Variants in FRMD4A observed in about 807,000 individuals in gnomAD.
The protein encoded by FRMD4A is FERM domain containing 4A.
FRMD4A carries 29 observed loss-of-function variants against 129.1 expected under a neutral mutation model. That is an observed-to-expected ratio of 0.22 (90% CI 0.17 to 0.31). The LOEUF is 0.31. Ranked by LOEUF, FRMD4A falls within the 10% of genes least tolerant of loss-of-function variation. FRMD4A has a pLI of 1.00. For synonymous variants in FRMD4A, 634 were observed against 571.6 expected, an observed-to-expected ratio of 1.11 and a Z score of -1.56; for missense variants, 1,272 against 1,375.8, an observed-to-expected ratio of 0.92 and a Z score of 1.19.
chr10:13,711,057 G>GT (rs2087964432), intron 12 of FRMD4A, among the ~76,000 whole-genome samples: 1 of 152,098 alleles, frequency 6.6e-6, no homozygotes, highest in Non-Finnish European at 1.5e-5. Flanking sequence ...CAGAAGAGAA[G>GT]GTGTGCATGT....
In FRMD4A at chr10:13,762,687, G is replaced by C; in HGVS notation, c.385-7C>G. ...TGTCAACGTCAATAAGCTCCTGAAA[G>C]GAAAAAGCAACAAACGAAGACAAGT... On this transcript the variant is annotated splice_region_variant and splice_polypyrimidine_tract_variant and intron_variant, in intron 6 of 24. Coordinates refer to ENST00000357447, the MANE Select transcript of FRMD4A (RefSeq NM_018027.5). 2 of 1,594,382 alleles carry C rather than the reference G, an allele frequency of 1.3e-6. No individual in the cohort carries two copies. The highest frequency in any genetic ancestry group is 8.6e-7 in the Non-Finnish European group (1 of 1,163,152).
chr10:14,039,382 C>CCAT (rs1833662917), intron 2 of FRMD4A, among the ~76,000 whole-genome samples: 4 of 113,634 alleles, frequency 3.5e-5, no homozygotes, highest in Non-Finnish European at 7.2e-5. Flanking sequence ...ATCCATCCAT[C>CCAT]CATCCATCCA....
intron 2 of FRMD4A, among the ~76,000 whole-genome samples, chr10:13,968,977 T>C (rs569798021): frequency 1.1e-4 from 16 of 152,294 alleles, no homozygotes; most frequent in Admixed American, 9.2e-4. Context: ...GAATGGAAAA[T>C]GGCCCATGTA....
At chr10:13,865,606 A>T (rs952864294) in intron 2 of FRMD4A, among the ~76,000 whole-genome samples, 1 of 151,120 alleles carries the variant, frequency 6.6e-6, no homozygotes, top group African/African-American at 2.4e-5. Flanking sequence ...ACACACCACC[A>T]TGCCCAGCTA....
chr10:13,778,613 GTGTGTGTGTT>G (rs774317016), intron 6 of FRMD4A, among the ~76,000 whole-genome samples: 37 of 144,162 alleles, frequency 2.6e-4, no homozygotes, highest in Middle Eastern at 3.8e-3. Context: ...GTGTGTGTGT[GTGTGTGTGTT>G]TGTGTGTGTG....
In FRMD4A at chr10:14,011,089, A is replaced by G. The variant is rs112414485; in HGVS notation, c.46-152177T>C. On this transcript the variant is annotated intron_variant, in intron 2 of 24. Transcript: ENST00000357447. ...CTAGAAATGTCAGAGCTAGGATGAA[A>G]ACCAAAGTCAACTGGTGTGATTTCA... 4.3e-4 allele frequency among the ~76,000 whole-genome samples: 66 copies of G among 152,302 alleles called. 4 individuals are homozygous for G. The highest frequency in any genetic ancestry group is 1.4e-3 in the African/African-American group (60 of 41,558).
intron 2 of FRMD4A, among the ~76,000 whole-genome samples, chr10:14,157,095 A>T (rs968844197): frequency 2.6e-5 from 4 of 152,212 alleles, no homozygotes; most frequent in African/African-American, 9.7e-5. Flanking sequence ...AAGCTGCAGC[A>T]AAAGTCTAGC....
At chr10:14,170,843 T>C (rs1164339726) in intron 2 of FRMD4A, among the ~76,000 whole-genome samples, 1 of 151,886 alleles carries the variant, frequency 6.6e-6, no homozygotes, top group Admixed American at 6.6e-5. Flanking sequence ...CCTCTCCTCT[T>C]TTCTTCCCCT....
In FRMD4A at chr10:13,707,127, AGT is replaced by A. The variant is rs747388792; in HGVS notation, c.760-16_760-15del. 2.7e-6 allele frequency: 4 copies of A among 1,466,076 alleles called. No individual in the cohort carries two copies. The South Asian group carries it at 4.5e-5, about 17-fold the overall frequency. 90.8% of individuals were successfully genotyped at this position (1,466,076 alleles called of 1,614,324 possible). On this transcript the variant is annotated splice_polypyrimidine_tract_variant and intron_variant, in intron 12 of 24. Coordinates refer to ENST00000357447, the MANE Select transcript of FRMD4A (RefSeq NM_018027.5). ...CCATTGGAATATCTGGACAGAAAAC[AGT>A]GTAGTTTAAAACTCAGGAGGGGCTG...
At chr10:13,774,280 G>A (rs2092541532) in intron 6 of FRMD4A, among the ~76,000 whole-genome samples, 1 of 152,218 alleles carries the variant, frequency 6.6e-6, no homozygotes, top group South Asian at 2.1e-4. Context: ...GAAAGTGAGA[G>A]GGGCGTCTGC....
chr10:14,058,599 G>A (rs9783266), intron 2 of FRMD4A, among the ~76,000 whole-genome samples: 5,887 of 152,216 alleles, frequency 0.039, 192 homozygotes, highest in African/African-American at 0.098. Flanking sequence ...CTGTTGACTG[G>A]GAACCTGATC....
chr10:14,327,206 G>C (rs1486371051), intron 2 of FRMD4A, among the ~76,000 whole-genome samples: 1 of 152,222 alleles, frequency 6.6e-6, no homozygotes. Flanking sequence ...CCTGATGGCA[G>C]AGTATGAATG....
intron 2 of FRMD4A, among the ~76,000 whole-genome samples, chr10:14,102,401 C>A (rs1837354732): frequency 6.6e-6 from 1 of 152,188 alleles, no homozygotes; most frequent in Non-Finnish European, 1.5e-5. Context: ...GTGGCGCAGG[C>A]CTATAGTCCC....
At chr10:13,893,454 T>C (rs1044854082) in intron 2 of FRMD4A, among the ~76,000 whole-genome samples, 1 of 152,176 alleles carries the variant, frequency 6.6e-6, no homozygotes, top group Non-Finnish European at 1.5e-5. Flanking sequence ...CGCAGACTAG[T>C]TCTAGTCCTG....
intron 2 of FRMD4A, among the ~76,000 whole-genome samples, chr10:13,887,890 G>A (rs2094643938): frequency 6.6e-6 from 1 of 152,196 alleles, no homozygotes; most frequent in South Asian, 2.1e-4. Context: ...TATAAGAGAA[G>A]GATGTGCTGA....
chr10:14,052,011 T>G (rs1275314698), intron 2 of FRMD4A, among the ~76,000 whole-genome samples: 1 of 152,194 alleles, frequency 6.6e-6, no homozygotes, highest in Non-Finnish European at 1.5e-5. Flanking sequence ...AAGCCCTTAA[T>G]GCAGTATAGC....
At chr10:14,061,297 C>G (rs891724475) in intron 2 of FRMD4A, among the ~76,000 whole-genome samples, 1 of 151,924 alleles carries the variant, frequency 6.6e-6, no homozygotes. Context: ...ACTAAAAATA[C>G]AAAAATTATC....
chr10:14,179,346 C>T (rs896987845), intron 2 of FRMD4A, among the ~76,000 whole-genome samples: 1 of 152,192 alleles, frequency 6.6e-6, no homozygotes, highest in African/African-American at 2.4e-5. Context: ...CCACTCTTTA[C>T]TATTTAGAAA....
At chr10:14,054,087 C>T (rs1834391704) in intron 2 of FRMD4A, among the ~76,000 whole-genome samples, 1 of 151,958 alleles carries the variant, frequency 6.6e-6, no homozygotes, top group South Asian at 2.1e-4. Flanking sequence ...ATTTCTTGAG[C>T]CAAGGAATTT....
Sources: gnomAD v4.1 joint callset for allele counts (sites outside exome capture counted in the v4.1 genomes callset) on GRCh38, gnomAD v4.1.1 for gene constraint, MANE v1.5 for transcripts, NCBI Gene and HGNC (gene_info 2026-07-23, HGNC 2026-07-21) for gene names.